The following SOX6 variants were observed in gnomAD, a reference collection of about 807,000 sequenced individuals.
SOX6 encodes SRY-box transcription factor 6.
Under a neutral mutation model 97.8 loss-of-function variants are expected in SOX6, and 11 were observed. That is an observed-to-expected ratio of 0.11 (90% CI 0.07 to 0.19). SOX6 has a LOEUF of 0.19. Among genes scored for constraint, SOX6 ranks in the 10% least tolerant of loss-of-function variants. The pLI, the probability that SOX6 is intolerant of heterozygous loss-of-function variation, is 1.00. For missense variants in SOX6, 810 were observed against 1,039.5 expected (o/e 0.78, Z 3.04); for synonymous variants, 360 against 371.4 (o/e 0.97, Z 0.35).
intron 12 of SOX6, among the ~76,000 whole-genome samples, chr11:16,015,610 T>C (rs1167039299): frequency 6.6e-6 from 1 of 152,004 alleles, no homozygotes; most frequent in Non-Finnish European, 1.5e-5. Flanking sequence ...AAGGAGGACA[T>C]CACTCCTAGC....
At chr11:16,101,249 T>C (rs576628560) in intron 7 of SOX6, among the ~76,000 whole-genome samples, 1 of 151,758 alleles carries the variant, frequency 6.6e-6, no homozygotes, top group Admixed American at 6.6e-5. Flanking sequence ...GGGAATGCCA[T>C]AAGTCTGAAT....
At chr11:16,314,350 A>T (rs1357238495) in intron 3 of SOX6, 3 of 151,948 alleles carry the variant, frequency 2.0e-5, no homozygotes, top group African/African-American at 4.8e-5. Flanking sequence ...ACTAAGACCC[A>T]TTTCCCTACA....
chr11:16,112,013 C>T, intron 6 of SOX6, 90 bp from the exon 7 acceptor site: 1 of 1,513,634 alleles, frequency 6.6e-7, no homozygotes. Flanking sequence ...GTGCTGGTAC[C>T]CACACAGCCA....
At position 16,100,016 on chromosome 11, in the gene SOX6, G is replaced by A. The variant is rs567010703; in HGVS notation, c.899-2328C>T. On this transcript the variant is annotated intron_variant, in intron 7 of 15. Coordinates refer to ENST00000683767, the MANE Select transcript of SOX6 (RefSeq NM_001367873.1). ...AAAGAGAACAAGGACAAGGCAGGAGGGGTAGAAGATGAGGGAGAAGAAGAG... is the reference window on the plus strand; with the variant it reads ...AAAGAGAACAAGGACAAGGCAGGAGAGGTAGAAGATGAGGGAGAAGAAGAG... 7.3e-5 allele frequency among the ~76,000 whole-genome samples: 11 copies of A among 151,724 alleles called. No homozygotes were observed. The East Asian group carries it at 1.2e-3, about 16-fold the overall frequency.
At chr11:16,478,625 C>T (rs541129530), upstream of SOX6, among the ~76,000 whole-genome samples, 3 of 152,222 alleles carry the variant, frequency 2.0e-5, no homozygotes, top group East Asian at 5.8e-4. Context: ...TAATAAGTTC[C>T]TATGGTCAAA....
chr11:16,557,647 A>G (rs190825592), intron 4 of SOX6, among the ~76,000 whole-genome samples: 2 of 151,880 alleles, frequency 1.3e-5, no homozygotes, highest in Admixed American at 1.3e-4. Flanking sequence ...AAATATCCAT[A>G]TTTCTCACCT....
chr11:16,302,490 T>A lies in SOX6; in HGVS notation c.445+15956A>T, dbSNP rs181979519. 9.2e-5 allele frequency among the ~76,000 whole-genome samples: 14 copies of A among 151,654 alleles called. No homozygotes were observed. The East Asian group carries it at 2.5e-3, about 27-fold the overall frequency. Reference sequence around the variant, plus strand: ...TATCAAAATCTAGCTCGAATGTCAATAAATCCCTATTTAGATCTAGAAAAA... The same window carrying A: ...TATCAAAATCTAGCTCGAATGTCAAAAAATCCCTATTTAGATCTAGAAAAA... On this transcript the variant is annotated intron_variant, in intron 3 of 15. Transcript: ENST00000683767.
chr11:16,469,229 G>A (rs1860099011), intron 1 of SOX6, among the ~76,000 whole-genome samples: 1 of 152,088 alleles, frequency 6.6e-6, no homozygotes, highest in Non-Finnish European at 1.5e-5. Context: ...TTTTAGAGCA[G>A]TTTGTTCTGG....
intron 1 of SOX6, among the ~76,000 whole-genome samples, chr11:16,451,753 T>C (rs1288846581): frequency 6.6e-6 from 1 of 151,882 alleles, no homozygotes; most frequent in Non-Finnish European, 1.5e-5. Flanking sequence ...AGAAGCATGT[T>C]TAAGGTCAGG....
At chr11:16,110,353 T>C (rs889778476) in intron 7 of SOX6, 1 of 151,202 alleles carries the variant, frequency 6.6e-6, no homozygotes, top group African/African-American at 2.4e-5. Flanking sequence ...AATGAAGAAG[T>C]AGTTTAGAAT....
intron 2 of SOX6, among the ~76,000 whole-genome samples, chr11:16,731,293 A>C (rs1848347858): frequency 6.6e-6 from 1 of 152,202 alleles, no homozygotes; most frequent in Non-Finnish European, 1.5e-5. Flanking sequence ...ACACAACAAA[A>C]AAAAGAAATT....
In SOX6 at chr11:16,052,299, A is replaced by T. The variant is rs552347460; in HGVS notation, c.1252-2361T>A. 2.0e-5 allele frequency among the ~76,000 whole-genome samples: 3 copies of T among 152,204 alleles called. No individual in the cohort carries two copies. In the South Asian group the frequency reaches 6.2e-4, roughly 32 times the overall value. ...GGCCTGACAACTTTGTGCTAACCAAACCTGGTAGAAGGGGAAATAACAATA... is the reference window on the plus strand; with the variant it reads ...GGCCTGACAACTTTGTGCTAACCAATCCTGGTAGAAGGGGAAATAACAATA... On this transcript the variant is annotated intron_variant, in intron 10 of 15. Coordinates refer to ENST00000683767, the MANE Select transcript of SOX6 (RefSeq NM_001367873.1).
At chr11:16,079,519 G>C (rs1200134811) in intron 9 of SOX6, among the ~76,000 whole-genome samples, 1 of 151,762 alleles carries the variant, frequency 6.6e-6, no homozygotes, top group African/African-American at 2.4e-5. Flanking sequence ...TCATGCTAAT[G>C]AACAAAAATA....
intron 2 of SOX6, among the ~76,000 whole-genome samples, chr11:16,715,437 C>CTA (rs1469320432): frequency 6.6e-6 from 1 of 152,036 alleles, no homozygotes; most frequent in East Asian, 1.9e-4. Flanking sequence ...CATTGTCTTG[C>CTA]TATAATAAAT....
In SOX6 at chr11:16,422,713, C is replaced by A. The variant is rs563352384; in HGVS notation, c.-5+53602G>T. Among the ~76,000 whole-genome samples the A allele has an allele frequency of 4.6e-5, 7 of 152,282 alleles. No homozygotes were observed. In the South Asian group the frequency reaches 1.2e-3, roughly 27 times the overall value. On this transcript the variant is annotated intron_variant, in intron 1 of 15. Coordinates refer to the SOX6 transcript ENST00000396356. ...ACTGCTCACTAAATCATGCACCCTG[C>A]ACAGGGCTGTAAACATCTAAGGAAA...
chr11:16,037,846 A>G lies in SOX6; in HGVS notation c.1623+8668T>C, dbSNP rs551807217. On this transcript the variant is annotated intron_variant, in intron 12 of 15. Transcript: ENST00000683767. ...CCACAAACACCTACAATGGCTGGCA[A>G]TTATCTACAAGGATAAAACTTAAGC... 3.9e-5 allele frequency among the ~76,000 whole-genome samples: 6 copies of G among 152,268 alleles called. No individual in the cohort carries two copies. In the South Asian group the frequency reaches 1.2e-3, roughly 32 times the overall value.
chr11:16,694,117 C>A (rs893083825), intron 3 of SOX6, among the ~76,000 whole-genome samples: 5 of 152,162 alleles, frequency 3.3e-5, no homozygotes, highest in African/African-American at 1.2e-4. Context: ...ATTAATCTAT[C>A]CCTAACAGTC....
Position 16,300,631 on chromosome 11 carries a change from T to A in SOX6, c.445+17815A>T, listed in dbSNP as rs1191554689. 1.3e-5 allele frequency among the ~76,000 whole-genome samples: 2 copies of A among 152,194 alleles called. No individual in the cohort carries two copies. Among genetic ancestry groups the A allele is most frequent in the Admixed American group, 1.3e-4 (2 of 15,278 alleles). On this transcript the variant is annotated intron_variant, in intron 3 of 15. Transcript: ENST00000683767. This position sits in a 1 kb window ranked among gnomAD's most constrained non-coding sequence, Gnocchi z 4.1. Reference sequence around the variant, plus strand: ...ACGGTCACAAGCACTTAAAGCACTTTTAAGCCCTGTTGCAAAACAGCAGGA... The same window carrying A: ...ACGGTCACAAGCACTTAAAGCACTTATAAGCCCTGTTGCAAAACAGCAGGA...
chr11:16,235,994 C>A (rs1853009488), intron 3 of SOX6, among the ~76,000 whole-genome samples: 1 of 152,098 alleles, frequency 6.6e-6, no homozygotes, highest in Non-Finnish European at 1.5e-5. Flanking sequence ...ACCATCCGAA[C>A]TGGCTATCAC....
Sources: allele counts gnomAD v4.1 joint callset (sites outside exome capture counted in the v4.1 genomes callset), GRCh38; gene constraint gnomAD v4.1.1; non-coding constraint Gnocchi (gnomAD v3.1); transcripts MANE v1.5; gene names NCBI Gene and HGNC (gene_info 2026-07-23, HGNC 2026-07-21).